CDH3: variants seen among roughly 807,000 people sequenced by gnomAD.
CDH3 encodes cadherin-3.
In CDH3, 54 loss-of-function variants were observed where a neutral mutation model predicts 82.0. The observed-to-expected ratio is 0.66, with a 90% CI of 0.53 to 0.83. The LOEUF is 0.83. Ranked by LOEUF, CDH3 falls within the 40% of genes least tolerant of loss-of-function variation. The probability of loss-of-function intolerance (pLI) is 0.00; values close to 1 mark genes in which losing one functional copy is unlikely to be tolerated. For missense variants in CDH3, 1,054 were observed against 1,084.6 expected, an observed-to-expected ratio of 0.97 and a Z score of 0.40; for synonymous variants, 446 against 437.9, an observed-to-expected ratio of 1.02 and a Z score of -0.23.
At chr16:68,712,490 G>A (rs1407371403) in intron 1 of CDH3, among the ~76,000 whole-genome samples, 3 of 152,088 alleles carry the variant, frequency 2.0e-5, no homozygotes, top group East Asian at 1.9e-4. Flanking sequence ...TTCTAAGAGC[G>A]GGTAGTCTAT....
At chr16:68,695,732 G>C in intron 14 of CDH3, 45 bp from the exon 15 acceptor site, 1 of 1,607,952 alleles carries the variant, frequency 6.2e-7, no homozygotes, top group Non-Finnish European at 8.5e-7. Flanking sequence ...AGGGGAGTGG[G>C]GGACAGGAGT....
intron 9 of CDH3, among the ~76,000 whole-genome samples, chr16:68,684,178 G>A (rs1486456090): frequency 6.6e-6 from 1 of 152,084 alleles, no homozygotes; most frequent in Non-Finnish European, 1.5e-5. Context: ...GCTGCAGTGA[G>A]CCATAATGAA....
Position 68,698,434 on chromosome 16 carries a change from A to G in CDH3, c.*34A>G. 2 of 1,593,148 alleles carry G rather than the reference A, an allele frequency of 1.3e-6. No individual in the cohort carries two copies. The highest frequency in any genetic ancestry group is 2.2e-5 in the South Asian group (2 of 90,632). ...CCTGCAGGGCTGGGGACCAAACGTC[A>G]GGCCACAGAGCATCTCCAAGGGGTC... On this transcript the variant is annotated 3_prime_UTR_variant, in exon 16 of 16. Coordinates refer to ENST00000264012, the MANE Select transcript of CDH3 (RefSeq NM_001793.6).
rs1354675300 is a variant in CDH3, at chr16:68,645,414, T to G, written c.35T>G (p.Leu12Arg). 6 of 1,613,256 alleles carry G rather than the reference T, an allele frequency of 3.7e-6. No individual in the cohort carries two copies. In the Admixed American group the frequency reaches 8.3e-5, roughly 22 times the overall value. The change falls in exon 1 of 16, where the codon CTC becomes CGC. Residue 12 changes from leucine (L) to arginine (R), a missense_variant. By Grantham distance (102) the Leu-to-Arg change is moderately radical. Coordinates refer to ENST00000264012, the MANE Select transcript of CDH3 (RefSeq NM_001793.6). Reference protein sequence around the residue: ...GLPRGPLASLLLLQVCWLQCA... With the variant: ...GLPRGPLASLRLLQVCWLQCA... ...CCTCGTGGACCTCTCGCGTCTCTCC[T>G]CCTTCTCCAGGTACTCCACAGCCTC...
intron 1 of CDH3, among the ~76,000 whole-genome samples, chr16:68,719,106 G>A (rs1438203590): frequency 1.3e-5 from 2 of 151,984 alleles, no homozygotes; most frequent in Non-Finnish European, 2.9e-5. Context: ...GCTGGGCGTG[G>A]TGGTGCACGC....
intron 2 of CDH3, among the ~76,000 whole-genome samples, chr16:68,660,966 CAAAAA>C (rs10590071): frequency 6.8e-5 from 8 of 117,028 alleles, no homozygotes; most frequent in East Asian, 2.3e-4. Flanking sequence ...GACTCCGTCT[CAAAAA>C]AAAAAAAAAA....
intron 2 of CDH3, among the ~76,000 whole-genome samples, chr16:68,676,184 C>T (rs536993212): frequency 6.6e-6 from 1 of 152,218 alleles, no homozygotes; most frequent in East Asian, 1.9e-4. Context: ...GGCGATCTTC[C>T]CTCTCGAAAC....
chr16:68,685,188 C>G lies in CDH3; in HGVS notation c.1425-17C>G, dbSNP rs760850328. On this transcript the variant is annotated splice_polypyrimidine_tract_variant and intron_variant, in intron 10 of 15. Coordinates refer to ENST00000264012, the MANE Select transcript of CDH3 (RefSeq NM_001793.6). Reference sequence around the variant, plus strand: ...CTAAATATTCTGGATGTACTCGTCTCAACTTTTCCTCTCCAGCTACCGCAT... The same window carrying G: ...CTAAATATTCTGGATGTACTCGTCTGAACTTTTCCTCTCCAGCTACCGCAT... The G allele has an allele frequency of 6.2e-7, 1 of 1,613,810 alleles. No homozygotes were observed. The highest frequency in any genetic ancestry group is 8.5e-7 in the Non-Finnish European group (1 of 1,179,946).
At chr16:68,649,924 C>T (rs1043296548) in intron 2 of CDH3, among the ~76,000 whole-genome samples, 1 of 152,020 alleles carries the variant, frequency 6.6e-6, no homozygotes, top group African/African-American at 2.4e-5. Flanking sequence ...AACCCAGTTA[C>T]TTGGGAGGCT....
chr16:68,661,888 G>A (rs987341116), intron 2 of CDH3, among the ~76,000 whole-genome samples: 28 of 152,120 alleles, frequency 1.8e-4, no homozygotes, highest in Admixed American at 5.9e-4. Context: ...ATGGGGTTTC[G>A]CCATGTTGGC....
rs755951462 is a variant in CDH3, at chr16:68,698,325, T to G, written c.2415T>G (p.Asp805Glu). Residue 805 changes from aspartate (D) to glutamate (E), a missense_variant, in exon 16 of 16, where the codon GAT becomes GAG. Coordinates refer to ENST00000264012, the MANE Select transcript of CDH3 (RefSeq NM_001793.6). ...LTSSASDQDQ[D>E]YDYLNEWGSR... ...CCTCCGCCTCCGACCAAGACCAAGA[T>G]TACGATTATCTGAACGAGTGGGGCA... The G allele has an allele frequency of 6.2e-7, 1 of 1,614,168 alleles. No homozygotes were observed. The highest frequency in any genetic ancestry group is 1.1e-5 in the South Asian group (1 of 91,080).
chr16:68,713,928 A>T (rs986460531), intron 1 of CDH3, among the ~76,000 whole-genome samples: 1 of 150,378 alleles, frequency 6.6e-6, no homozygotes, highest in Non-Finnish European at 1.5e-5. Context: ...ATTTATTATT[A>T]TTATTATTAT....
chr16:68,702,521 C>T (rs151328799), downstream of CDH3, among the ~76,000 whole-genome samples: 708 of 152,190 alleles, frequency 4.7e-3, 2 homozygotes, highest in African/African-American at 0.015. Context: ...GTGATCTTTT[C>T]TCCCAGACTT....
intron 1 of CDH3, among the ~76,000 whole-genome samples, chr16:68,718,282 G>A (rs1371913432): frequency 6.6e-6 from 1 of 152,162 alleles, no homozygotes; most frequent in African/African-American, 2.4e-5. Context: ...GGGATTACAG[G>A]TGTGAGCCAC....
At chr16:68,727,021 G>A (rs1293027725) in intron 2 of CDH3, among the ~76,000 whole-genome samples, 2 of 152,212 alleles carry the variant, frequency 1.3e-5, no homozygotes, top group African/African-American at 4.8e-5. Context: ...ATTTGAATCA[G>A]TGGACTGAGT....
chr16:68,706,385 C>A (rs1212902305), intron 1 of CDH3, among the ~76,000 whole-genome samples: 1 of 151,988 alleles, frequency 6.6e-6, no homozygotes, highest in Non-Finnish European at 1.5e-5. Flanking sequence ...TGTGGCACCC[C>A]AACCCATGTG....
rs746456549 is a variant in CDH3, at chr16:68,695,354, A to G, written c.2102A>G (p.Tyr701Cys). The G allele has an allele frequency of 1.9e-6, 3 of 1,613,686 alleles. No individual in the cohort carries two copies. Among genetic ancestry groups the G allele is most frequent in the Non-Finnish European group, 2.5e-6 (3 of 1,179,820 alleles). ...GACACCCGTGACAACGTCTTCTACTATGGCGAAGAGGGGGGTGGCGAAGAG... is the reference window on the plus strand; with the variant it reads ...GACACCCGTGACAACGTCTTCTACTGTGGCGAAGAGGGGGGTGGCGAAGAG... Reference protein sequence around the residue: ...EDDTRDNVFYYGEEGGGEEDQ... With the variant: ...EDDTRDNVFYCGEEGGGEEDQ... The change falls in exon 14 of 16, where the codon TAT becomes TGT. Residue 701 changes from tyrosine (Y) to cysteine (C), a missense_variant. Tyr to Cys is a radical substitution (Grantham distance 194). Transcript: ENST00000264012.
chr16:68,710,588 T>G (rs1381920400), intron 1 of CDH3, among the ~76,000 whole-genome samples: 1 of 152,162 alleles, frequency 6.6e-6, no homozygotes, highest in Admixed American at 6.6e-5. Flanking sequence ...CTGGGCGCGG[T>G]GGCTCACGCC....
Position 68,695,878 on chromosome 16 carries a change from T to C in CDH3, c.2235T>C (p.Arg745=). 6.2e-7 allele frequency: 1 copy of C among 1,614,128 alleles called. No individual in the cohort carries two copies. Among genetic ancestry groups the C allele is most frequent in the Non-Finnish European group, 8.5e-7 (1 of 1,180,032 alleles). ...APTIIPTPMY[R]PRPANPDEIG... Reference sequence around the variant, plus strand: ...CCATCATCCCGACACCCATGTACCGTCCTCGGCCAGCCAACCCAGATGAAA... The same window carrying C: ...CCATCATCCCGACACCCATGTACCGCCCTCGGCCAGCCAACCCAGATGAAA... The change falls in exon 15 of 16, where the codon CGT becomes CGC. Residue 745 remains arginine (R), a synonymous_variant. Coordinates refer to ENST00000264012, the MANE Select transcript of CDH3 (RefSeq NM_001793.6).
Sources: gnomAD v4.1 joint callset for allele counts (sites outside exome capture counted in the v4.1 genomes callset) on GRCh38, gnomAD v4.1.1 for gene constraint, MANE v1.5 for transcripts, NCBI Gene and HGNC (gene_info 2026-07-23, HGNC 2026-07-21) for gene names.